Variants in UQCC1 observed in about 807,000 individuals in gnomAD.
UQCC1 encodes the protein bFGF-repressed Zic-binding protein.
In UQCC1, 38 loss-of-function variants were observed where a neutral mutation model predicts 48.0. The ratio of observed to expected loss-of-function variants is 0.79; its 90% CI spans 0.61 to 1.04. UQCC1 has a LOEUF of 1.04. Among genes scored for constraint, UQCC1 ranks in the 50% least tolerant of loss-of-function variants. The pLI is 0.00. For missense variants in UQCC1, 368 were observed against 381.8 expected (o/e 0.96, Z 0.30); for synonymous variants, 111 against 129.2 (o/e 0.86, Z 0.95).
intron 6 of UQCC1, among the ~76,000 whole-genome samples, chr20:35,348,577 A>C (rs2061456560): frequency 6.6e-6 from 1 of 151,984 alleles, no homozygotes; most frequent in African/African-American, 2.4e-5. Flanking sequence ...TTTTTAATAG[A>C]TATGGGGTTT....
intron 7 of UQCC1, among the ~76,000 whole-genome samples, chr20:35,335,129 T>C (rs2061301803): frequency 6.6e-6 from 1 of 152,212 alleles, no homozygotes. Context: ...CTAATTTCAT[T>C]ATAAACAAAT....
chr20:35,329,136 T>C (rs941288329), intron 7 of UQCC1, among the ~76,000 whole-genome samples: 1 of 152,222 alleles, frequency 6.6e-6, no homozygotes, highest in Non-Finnish European at 1.5e-5. Context: ...CATCAAGCAC[T>C]GTTTTAGGAG....
chr20:35,397,058 C>T (rs2062088525), intron 1 of UQCC1, among the ~76,000 whole-genome samples: 1 of 151,950 alleles, frequency 6.6e-6, no homozygotes. Flanking sequence ...AAATACCGGG[C>T]ATGGTGGCGT....
intron 1 of UQCC1, among the ~76,000 whole-genome samples, chr20:35,407,063 CAAAAGAA>C (rs544810809): frequency 7.8e-4 from 119 of 152,232 alleles, no homozygotes; most frequent in Middle Eastern, 3.4e-3. Flanking sequence ...ATACAACTTT[CAAAAGAA>C]AACTTACGGG....
At chr20:35,329,410 C>T (rs1280455884) in intron 7 of UQCC1, among the ~76,000 whole-genome samples, 1 of 152,108 alleles carries the variant, frequency 6.6e-6, no homozygotes, top group East Asian at 1.9e-4. Context: ...GAACCAGGCA[C>T]GTCACATTGA....
chr20:35,411,871 C>A, intron 1 of UQCC1, 69 bp downstream of exon 1: 1 of 1,603,024 alleles, frequency 6.2e-7, no homozygotes, highest in Non-Finnish European at 8.5e-7. Context: ...CCAATTCCTC[C>A]CGCCCTGCCT....
At chr20:35,346,959 C>T (rs1166196179) in intron 7 of UQCC1, 11 of 1,500,990 alleles carry the variant, frequency 7.3e-6, no homozygotes, top group Non-Finnish European at 9.8e-6. Flanking sequence ...TGACAAATCA[C>T]TATAATGTGT....
At chr20:35,377,302 G>A (rs951316612) in intron 4 of UQCC1, among the ~76,000 whole-genome samples, 1 of 152,124 alleles carries the variant, frequency 6.6e-6, no homozygotes, top group African/African-American at 2.4e-5. Context: ...CATATCAACA[G>A]ACCAAAAAAA....
intron 1 of UQCC1, among the ~76,000 whole-genome samples, chr20:35,407,765 G>A (rs2062273904): frequency 6.6e-6 from 1 of 152,192 alleles, no homozygotes; most frequent in Non-Finnish European, 1.5e-5. Context: ...GCTCACGCCT[G>A]TAATCCCAGG....
At chr20:35,378,678 T>C (rs1285367046) in intron 4 of UQCC1, among the ~76,000 whole-genome samples, 4 of 152,174 alleles carry the variant, frequency 2.6e-5, no homozygotes, top group African/African-American at 9.7e-5. Flanking sequence ...AATTTGAACC[T>C]TCTATTGTCT....
At chr20:35,330,579 C>T (rs2061245200) in intron 7 of UQCC1, among the ~76,000 whole-genome samples, 1 of 152,198 alleles carries the variant, frequency 6.6e-6, no homozygotes, top group African/African-American at 2.4e-5. Flanking sequence ...CCATACCCAA[C>T]CACTTCATCA....
intron 4 of UQCC1, 143 bp downstream of exon 4, chr20:35,381,775 G>A (rs1365239585): frequency 3.2e-6 from 2 of 629,490 alleles, no homozygotes; most frequent in Non-Finnish European, 5.7e-6. Context: ...TCAATGGGGT[G>A]ACAGATGTCG....
At chr20:35,405,478 G>A (rs1447641836) in intron 1 of UQCC1, among the ~76,000 whole-genome samples, 4 of 152,002 alleles carry the variant, frequency 2.6e-5, no homozygotes, top group Non-Finnish European at 5.9e-5. Context: ...CCCATACACA[G>A]GGGGAAAAAA....
At chr20:35,382,159 T>C in intron 3 of UQCC1, 134 bp from the exon 4 acceptor site, 1 of 558,792 alleles carries the variant, frequency 1.8e-6, no homozygotes, top group African/African-American at 1.9e-5. Context: ...CAGGCTAAAG[T>C]GAAGTGGCAC....
At chr20:35,327,646 A>T (rs1484467424) in intron 7 of UQCC1, among the ~76,000 whole-genome samples, 1 of 152,182 alleles carries the variant, frequency 6.6e-6, no homozygotes, top group Non-Finnish European at 1.5e-5. Flanking sequence ...GATCATTCTT[A>T]CTTAAGTAGT....
At chr20:35,331,547 AG>A (rs1038732994) in intron 7 of UQCC1, among the ~76,000 whole-genome samples, 1 of 152,170 alleles carries the variant, frequency 6.6e-6, no homozygotes, top group African/African-American at 2.4e-5. Context: ...CTCCTTTCAA[AG>A]GGCTCCAAAC....
chr20:35,395,386 G>C (rs1168136576), intron 1 of UQCC1, among the ~76,000 whole-genome samples: 3 of 151,874 alleles, frequency 2.0e-5, no homozygotes, highest in African/African-American at 7.3e-5. Flanking sequence ...CTTTTGAGAG[G>C]CTGAAGCAGG....
intron 4 of UQCC1, among the ~76,000 whole-genome samples, chr20:35,381,300 C>T (rs779024589): frequency 6.6e-6 from 1 of 152,126 alleles, no homozygotes; most frequent in Non-Finnish European, 1.5e-5. Context: ...ATGGGTCCAT[C>T]AGAAAGTAAT....
At chr20:35,400,109 A>G (rs991687464) in intron 1 of UQCC1, among the ~76,000 whole-genome samples, 1 of 151,794 alleles carries the variant, frequency 6.6e-6, no homozygotes, top group East Asian at 2.0e-4. Flanking sequence ...TATTTTCGGT[A>G]GAGGCGGGGT....
Sources: allele counts gnomAD v4.1 joint callset (sites outside exome capture counted in the v4.1 genomes callset), GRCh38; gene constraint gnomAD v4.1.1; transcripts MANE v1.5; gene names NCBI Gene and HGNC (gene_info 2026-07-23, HGNC 2026-07-21).